RP1: variants seen among roughly 807,000 people sequenced by gnomAD.
RP1 encodes the protein oxygen-regulated protein 1.
In RP1, 16 loss-of-function variants were observed where a neutral mutation model predicts 14.8. That is an observed-to-expected ratio of 1.08 (90% CI 0.73 to 1.65). The LOEUF (loss-of-function observed/expected upper bound fraction) is 1.65, where lower values mean the gene tolerates loss of function less well. Among genes scored for constraint, RP1 ranks in the 40% most tolerant of loss-of-function variants. The pLI, the probability that RP1 is intolerant of heterozygous loss-of-function variation, is 0.00. For missense variants in RP1, 2,631 were observed against 2,535.0 expected (o/e 1.04, Z -0.81); for synonymous variants, 876 against 883.6 (o/e 0.99, Z 0.15).
At chr8:54,650,008 G>A (rs1806624083) in intron 4 of RP1, among the ~76,000 whole-genome samples, 1 of 152,280 alleles carries the variant, frequency 6.6e-6, no homozygotes, top group Admixed American at 6.5e-5. Flanking sequence ...TTTTCTGTGA[G>A]TAAGAAATAA....
intron 22 of RP1, among the ~76,000 whole-genome samples, chr8:54,768,296 T>C (rs372180905): frequency 5.0e-4 from 76 of 152,362 alleles, no homozygotes; most frequent in African/African-American, 1.8e-3. Context: ...ATTCCTGCAA[T>C]TGAGTTGGTC....
chr8:54,562,836 T>C (rs1804317910), intron 1 of RP1, among the ~76,000 whole-genome samples: 1 of 152,160 alleles, frequency 6.6e-6, no homozygotes, highest in African/African-American at 2.4e-5. Flanking sequence ...AGCAAAGCAG[T>C]TTTCCAAAGG....
chr8:54,821,942 C>A (rs1334977853), intron 24 of RP1, among the ~76,000 whole-genome samples: 1 of 152,170 alleles, frequency 6.6e-6, no homozygotes, highest in East Asian at 1.9e-4. Context: ...TCAAAAATGT[C>A]AGGACCAGTG....
At chr8:54,770,958 C>T (rs904756641), downstream of RP1, among the ~76,000 whole-genome samples, 3 of 151,750 alleles carry the variant, frequency 2.0e-5, no homozygotes, top group Admixed American at 6.6e-5. Flanking sequence ...ACCAGGTTAC[C>T]ACATCTCTAT....
At chr8:54,611,062 G>C (rs1258803981) in intron 1 of RP1, among the ~76,000 whole-genome samples, 1 of 152,084 alleles carries the variant, frequency 6.6e-6, no homozygotes, top group African/African-American at 2.4e-5. Context: ...ATATCATACT[G>C]TGCCTTCTGG....
chr8:54,682,185 C>T (rs1050364500), intron 12 of RP1, among the ~76,000 whole-genome samples: 3 of 152,070 alleles, frequency 2.0e-5, no homozygotes, highest in African/African-American at 7.2e-5. Flanking sequence ...GCCTTTTTCT[C>T]TGCAACCTCA....
chr8:54,799,931 A>T (rs995172439), intron 24 of RP1, among the ~76,000 whole-genome samples: 1 of 152,092 alleles, frequency 6.6e-6, no homozygotes, highest in Non-Finnish European at 1.5e-5. Flanking sequence ...TCCATTTACA[A>T]CATTCTTTAT....
intron 12 of RP1, among the ~76,000 whole-genome samples, chr8:54,687,506 T>G (rs776486423): frequency 2.6e-5 from 4 of 152,046 alleles, no homozygotes; most frequent in Non-Finnish European, 5.9e-5. Context: ...TTCCCCTCCC[T>G]ATGTCCATGT....
At chr8:54,751,126 G>A (rs989812806) in intron 19 of RP1, among the ~76,000 whole-genome samples, 15 of 152,298 alleles carry the variant, frequency 9.8e-5, no homozygotes, top group African/African-American at 2.4e-4. Context: ...CTAACCCACC[G>A]GAAGGAACCA....
intron 2 of RP1, 34 bp downstream of exon 2, chr8:54,621,615 C>T (rs752616151): frequency 1.2e-6 from 2 of 1,613,328 alleles, no homozygotes; most frequent in African/African-American, 2.7e-5. Flanking sequence ...AGCCTGAGCT[C>T]ATTTTGAGCA....
chr8:54,622,441 AT>A (rs1197746430), intron 3 of RP1, among the ~76,000 whole-genome samples, 153 bp downstream of exon 3: 11 of 152,210 alleles, frequency 7.2e-5, no homozygotes, highest in African/African-American at 2.4e-4. Flanking sequence ...AATTGGCTAT[AT>A]TTATAGTTGG....
intron 22 of RP1, among the ~76,000 whole-genome samples, chr8:54,759,995 A>G (rs1809600317): frequency 6.6e-6 from 1 of 152,182 alleles, no homozygotes; most frequent in Admixed American, 6.5e-5. Flanking sequence ...GCAGAAATTC[A>G]AGGGTTCGGA....
At chr8:54,577,941 C>T (rs1335861125) in intron 1 of RP1, among the ~76,000 whole-genome samples, 4 of 111,370 alleles carry the variant, frequency 3.6e-5, no homozygotes, top group Non-Finnish European at 9.4e-5. Context: ...GCATGACAAA[C>T]ATTTTCTTTT....
chr8:54,712,717 C>T (rs1205115577), intron 15 of RP1, among the ~76,000 whole-genome samples: 1 of 152,134 alleles, frequency 6.6e-6, no homozygotes, highest in Non-Finnish European at 1.5e-5. Context: ...TCATTGATTT[C>T]GTTGTCTTAC....
At chr8:54,652,152 C>T (rs559382420) in intron 4 of RP1, among the ~76,000 whole-genome samples, 40 of 152,166 alleles carry the variant, frequency 2.6e-4, no homozygotes, top group African/African-American at 8.9e-4. Context: ...GGATTACAGG[C>T]GCCTGCCAAC....
At chr8:54,684,893 A>G (rs540027186) in intron 12 of RP1, among the ~76,000 whole-genome samples, 2 of 152,288 alleles carry the variant, frequency 1.3e-5, no homozygotes, top group Admixed American at 6.5e-5. Flanking sequence ...ACAGGAACAG[A>G]AAACCAAACA....
intron 15 of RP1, among the ~76,000 whole-genome samples, chr8:54,719,337 T>C (rs1281991005): frequency 6.6e-6 from 1 of 152,166 alleles, no homozygotes; most frequent in African/African-American, 2.4e-5. Context: ...GCTTACTTTA[T>C]AAAAAGCGAG....
At chr8:54,855,248 C>T (rs563209993) in intron 26 of RP1, among the ~76,000 whole-genome samples, 17 of 152,126 alleles carry the variant, frequency 1.1e-4, no homozygotes, top group Middle Eastern at 3.4e-3. Flanking sequence ...ATTTCCTTCG[C>T]GAGACTGAGT....
chr8:54,626,726 C>G lies in RP1; in HGVS notation c.2844C>G (p.Ser948Arg). The G allele has an allele frequency of 1.2e-6, 2 of 1,613,752 alleles. No individual in the cohort carries two copies. The highest frequency in any genetic ancestry group is 1.7e-6 in the Non-Finnish European group (2 of 1,179,890). Residue 948 changes from serine to arginine, a missense_variant, in exon 4 of 4, where the codon AGC becomes AGG. By Grantham distance (110) the Ser-to-Arg change is moderately radical (BLOSUM62 -1). Transcript: ENST00000220676. Reference sequence around the variant, plus strand: ...ATGAAACGAGTGTGGTAAATTGTAGCAATAATAGTTTTTCAGGGAATGATC... The same window carrying G: ...ATGAAACGAGTGTGGTAAATTGTAGGAATAATAGTTTTTCAGGGAATGATC... ...CRNETSVVNC[S>R]NNSFSGNDPH... is the part of the protein sequence containing the mutation.
Sources: gnomAD v4.1 joint callset for allele counts (sites outside exome capture counted in the v4.1 genomes callset) on GRCh38, gnomAD v4.1.1 for gene constraint, MANE v1.5 for transcripts, NCBI Gene and HGNC (gene_info 2026-07-23, HGNC 2026-07-21) for gene names.